Variants in ITPR2 observed in about 807,000 individuals in gnomAD.
ITPR2 encodes the protein inositol 1,4,5-trisphosphate receptor type 2.
A neutral mutation model predicts 317.1 loss-of-function variants in ITPR2; 207 were observed. The observed-to-expected ratio is 0.65, with a 90% confidence interval of 0.58 to 0.73. ITPR2 has a LOEUF of 0.73. Among genes scored for constraint, ITPR2 ranks in the 30% least tolerant of loss-of-function variants. The probability of loss-of-function intolerance (pLI) is 0.00; values close to 1 mark genes in which losing one functional copy is unlikely to be tolerated. For synonymous variants in ITPR2, 1,156 were observed against 1,149.1 expected, an observed-to-expected ratio of 1.01 and a Z score of -0.12; for missense variants, 2,613 against 3,284.0, an observed-to-expected ratio of 0.80 and a Z score of 4.99.
intron 37 of ITPR2, among the ~76,000 whole-genome samples, chr12:26,524,562 T>C (rs934896918): frequency 2.0e-5 from 3 of 152,170 alleles, no homozygotes; most frequent in African/African-American, 7.2e-5. Context: ...ATACAATACA[T>C]GCTAAACAAA....
intron 37 of ITPR2, among the ~76,000 whole-genome samples, chr12:26,541,708 A>G (rs1322019016): frequency 2.6e-5 from 4 of 152,230 alleles, no homozygotes; most frequent in African/African-American, 9.6e-5. Flanking sequence ...CAACAATGCA[A>G]TTATTGCTGG....
chr12:26,566,124 G>GA, intron 34 of ITPR2, among the ~76,000 whole-genome samples: 1 of 131,656 alleles, frequency 7.6e-6, no homozygotes, highest in Non-Finnish European at 1.6e-5. Flanking sequence ...AAGGAGAGGA[G>GA]GAGAGGGAGA....
chr12:26,782,972 AG>A (rs1308125069), intron 2 of ITPR2, among the ~76,000 whole-genome samples: 2 of 152,258 alleles, frequency 1.3e-5, no homozygotes, highest in Non-Finnish European at 2.9e-5. Flanking sequence ...AAAAAGTCAA[AG>A]CAACTGCCTA....
chr12:26,551,007 G>C (rs7134588), intron 36 of ITPR2, among the ~76,000 whole-genome samples: 4 of 152,152 alleles, frequency 2.6e-5, no homozygotes, highest in South Asian at 2.1e-4. Flanking sequence ...CTGGTGCTCC[G>C]TTAGGAGAAG....
At chr12:26,433,546 CA>C (rs36113189) in intron 48 of ITPR2, among the ~76,000 whole-genome samples, 34,448 of 152,004 alleles carry the variant, frequency 0.23, 4,781 homozygotes, top group East Asian at 0.58. Flanking sequence ...ATGAGTTCTT[CA>C]TGGTGATTTC....
At chr12:26,380,558 G>A (rs566601521) in intron 55 of ITPR2, among the ~76,000 whole-genome samples, 1 of 152,272 alleles carries the variant, frequency 6.6e-6, no homozygotes, top group South Asian at 2.1e-4. Context: ...ATTAAGTTCT[G>A]AAGTCTTTAA....
At chr12:26,705,725 A>G (rs1210667522) in intron 9 of ITPR2, among the ~76,000 whole-genome samples, 2 of 152,176 alleles carry the variant, frequency 1.3e-5, no homozygotes, top group Admixed American at 1.3e-4. Context: ...CCAAAGCCAG[A>G]ATCCTATTCC....
intron 10 of ITPR2, among the ~76,000 whole-genome samples, chr12:26,690,613 C>T (rs1278476376): frequency 1.3e-5 from 2 of 152,124 alleles, no homozygotes; most frequent in Non-Finnish European, 2.9e-5. Flanking sequence ...TTTTAAAATG[C>T]TAATGAAATA....
In ITPR2 at chr12:26,409,180, T is replaced by C. The variant is rs115220171; in HGVS notation, c.7399+2140A>G. Among the ~76,000 whole-genome samples, 846 of 152,272 alleles carry C rather than the reference T, an allele frequency of 5.6e-3. 6 individuals are homozygous for C. The highest frequency in any genetic ancestry group is 0.016 in the African/African-American group (669 of 41,560). ...AATGCTGTTTGACACCAAGACAAGA[T>C]ACTAAAGTGGATCACTAAAGAGACA... On this transcript the variant is annotated intron_variant, in intron 52 of 56. Transcript: ENST00000381340.
Position 26,561,847 on chromosome 12 carries a change from C to T in ITPR2, c.4736G>A (p.Arg1579Lys), listed in dbSNP as rs1944829298. The change falls in exon 35 of 57, where the codon AGA becomes AAA. Residue 1579 changes from arginine (R) to lysine (K), a missense_variant. By Grantham distance (26) the Arg-to-Lys change is conservative. Coordinates refer to ENST00000381340, the MANE Select transcript of ITPR2 (RefSeq NM_002223.4). ...GCGTGGCCCAGAGCGAGCTGATAGT[C>T]TCCAACCCATTGCTGCTCTCTGCAC... The part of the protein sequence containing the change: ...NMVQRAAMGW[R>K]LSARSGPRFK... 1 of 1,599,062 alleles carries T rather than the reference C, an allele frequency of 6.3e-7. No homozygotes were observed. The highest frequency in any genetic ancestry group is 8.5e-7 in the Non-Finnish European group (1 of 1,176,408).
chr12:26,554,619 C>T (rs989404318), intron 36 of ITPR2, among the ~76,000 whole-genome samples: 2 of 152,100 alleles, frequency 1.3e-5, no homozygotes, highest in African/African-American at 4.8e-5. Flanking sequence ...GCTTGCCAAC[C>T]CGTTCCAGGC....
chr12:26,808,931 C>T (rs952341767), intron 1 of ITPR2, among the ~76,000 whole-genome samples: 12 of 152,182 alleles, frequency 7.9e-5, no homozygotes, highest in African/African-American at 1.4e-4. Flanking sequence ...CTTTAATAAT[C>T]CTTTTTCCTA....
intron 45 of ITPR2, among the ~76,000 whole-genome samples, chr12:26,473,973 G>C (rs1475718555): frequency 6.6e-6 from 1 of 152,136 alleles, no homozygotes; most frequent in Non-Finnish European, 1.5e-5. Flanking sequence ...TACATTATGA[G>C]AGACCTTAAA....
intron 55 of ITPR2, among the ~76,000 whole-genome samples, chr12:26,379,696 C>T (rs1124636): frequency 0.19 from 28,606 of 152,062 alleles, 2,807 homozygotes; most frequent in Middle Eastern, 0.23. Flanking sequence ...ATGCCTGATA[C>T]AGCCAGAGGC....
At chr12:26,790,836 G>C (rs544261029) in intron 1 of ITPR2, among the ~76,000 whole-genome samples, 2 of 152,270 alleles carry the variant, frequency 1.3e-5, no homozygotes, top group East Asian at 3.9e-4. Context: ...CCACTTCCTA[G>C]CTAGGTGACT....
At chr12:26,599,031 A>T in intron 30 of ITPR2, 114 bp downstream of exon 30, 1 of 907,810 alleles carries the variant, frequency 1.1e-6, no homozygotes, top group Non-Finnish European at 1.7e-6. Flanking sequence ...AGTCATGATT[A>T]AATTAAATAA....
chr12:26,754,598 A>AT (rs552980129), intron 2 of ITPR2, among the ~76,000 whole-genome samples: 88 of 152,182 alleles, frequency 5.8e-4, no homozygotes, highest in African/African-American at 1.1e-3. Context: ...GGGAATGTGG[A>AT]TTTTTTTTGC....
intron 2 of ITPR2, among the ~76,000 whole-genome samples, chr12:26,727,787 C>G (rs915666828): frequency 6.6e-6 from 1 of 152,188 alleles, no homozygotes; most frequent in Non-Finnish European, 1.5e-5. Flanking sequence ...AGAGCCACAA[C>G]GATGCACGTG....
rs191811119 is a variant in ITPR2, at chr12:26,340,052, G to C, written c.8019+115C>G. On this transcript the variant is annotated intron_variant, in intron 56 of 56. Coordinates refer to ENST00000381340, the MANE Select transcript of ITPR2 (RefSeq NM_002223.4). ...CAGTACAACGTGAGGTTTCTTTCTCGGAGTTTGCAATTCTCTGTGGATAAT... is the reference window on the plus strand; with the variant it reads ...CAGTACAACGTGAGGTTTCTTTCTCCGAGTTTGCAATTCTCTGTGGATAAT... The C allele has an allele frequency of 2.2e-4, 224 of 1,008,426 alleles. 1 individual carries two copies. In the East Asian group the frequency reaches 4.7e-3, roughly 21 times the overall value. The allele number at this position is 1,008,426 out of a possible 1,614,324, so 62.5% of individuals were successfully genotyped here.
Sources: gnomAD v4.1 joint callset for allele counts (sites outside exome capture counted in the v4.1 genomes callset) on GRCh38, gnomAD v4.1.1 for gene constraint, MANE v1.5 for transcripts, NCBI Gene and HGNC (gene_info 2026-07-23, HGNC 2026-07-21) for gene names.